The following ARHGAP39 variants were observed in gnomAD, a reference collection of about 807,000 sequenced individuals.
The protein encoded by ARHGAP39 is rho GTPase-activating protein 39.
In ARHGAP39, 44 loss-of-function variants were observed where a neutral mutation model predicts 106.9. The ratio of observed to expected loss-of-function variants is 0.41; its 90% CI spans 0.32 to 0.53. ARHGAP39 has a LOEUF of 0.53. ARHGAP39 is among the 20% of genes least tolerant of loss of function. ARHGAP39 has a pLI of 0.21. For synonymous variants in ARHGAP39, 768 were observed against 693.2 expected (o/e 1.11, Z -1.69); for missense variants, 1,496 against 1,577.3 (o/e 0.95, Z 0.87).
At chr8:144,662,125 G>C (rs1056553516) in intron 1 of ARHGAP39, among the ~76,000 whole-genome samples, 2 of 145,058 alleles carry the variant, frequency 1.4e-5, no homozygotes, top group African/African-American at 5.2e-5. Context: ...AACTTGGACC[G>C]CTCACCTTCC....
upstream of ARHGAP39, among the ~76,000 whole-genome samples, chr8:144,687,015 C>T (rs1822615663): frequency 1.6e-5 from 2 of 123,186 alleles, no homozygotes; most frequent in Non-Finnish European, 3.3e-5. Context: ...ATTTCCCACC[C>T]CCGTGACCAC....
chr8:144,557,051 T>C (rs564116549), intron 3 of ARHGAP39, among the ~76,000 whole-genome samples: 44 of 144,592 alleles, frequency 3.0e-4, no homozygotes, highest in Non-Finnish European at 4.9e-4. Context: ...CTTCATAGTA[T>C]TCAGCGGCAA....
rs1307265025 is a variant in ARHGAP39, at chr8:144,604,213, G to C, written c.80+1322C>G. ...GGCCGGGAGGCAGCAGCTGCACCTC[G>C]GGGGGTGCGGGCGAGGCCTCTGTCG... On this transcript the variant is annotated intron_variant, in intron 2 of 11. Coordinates refer to ENST00000377307, the MANE Select transcript of ARHGAP39 (RefSeq NM_025251.3). This position sits in a 1 kb window ranked among gnomAD's most constrained non-coding sequence, Gnocchi z 4.1. Among the ~76,000 whole-genome samples the C allele has an allele frequency of 6.6e-5, 10 of 152,120 alleles. No individual in the cohort carries two copies. Among genetic ancestry groups the C allele is most frequent in the Admixed American group, 6.5e-4 (10 of 15,276 alleles).
At chr8:144,623,015 G>A (rs905368230) in intron 1 of ARHGAP39, among the ~76,000 whole-genome samples, 21 of 152,264 alleles carry the variant, frequency 1.4e-4, no homozygotes, top group Admixed American at 1.2e-3. Context: ...CACTCGGTCA[G>A]GACCCACAGA....
rs147076363 is a variant in ARHGAP39 at position 144,675,712 on chromosome 8, G to A, written c.-82+9974C>T. Among the ~76,000 whole-genome samples the A allele has an allele frequency of 1.2e-3, 183 of 150,894 alleles. 1 individual carries two copies. Among genetic ancestry groups the A allele is most frequent in the African/African-American group, 4.4e-3 (179 of 40,688 alleles). ...GAAACTGCAGACCTTCGTGGTTAGT[G>A]TTACAGCTCTTAAAGACGGTGCGTC... On this transcript the variant is annotated intron_variant, in intron 1 of 11. Transcript: ENST00000377307.
chr8:144,597,331 G>C (rs1819658962), intron 2 of ARHGAP39, among the ~76,000 whole-genome samples: 2 of 152,194 alleles, frequency 1.3e-5, no homozygotes, highest in Admixed American at 1.3e-4. Context: ...CCAGTCCAAA[G>C]CCCAACGTCT....
At chr8:144,686,224 A>G (rs1002320386), upstream of ARHGAP39, among the ~76,000 whole-genome samples, 26 of 151,988 alleles carry the variant, frequency 1.7e-4, 1 homozygote, top group Admixed American at 1.6e-3. Flanking sequence ...CTAGAAATAC[A>G]GCCATTCTTC....
At chr8:144,581,812 G>T (rs149049499) in intron 2 of ARHGAP39, among the ~76,000 whole-genome samples, 88 of 152,304 alleles carry the variant, frequency 5.8e-4, no homozygotes, top group Non-Finnish European at 9.9e-4. Context: ...GACCCCCGAT[G>T]GGGGGCAGAG....
intron 3 of ARHGAP39, among the ~76,000 whole-genome samples, chr8:144,575,716 T>C (rs1256808749): frequency 6.6e-6 from 1 of 152,138 alleles, no homozygotes; most frequent in African/African-American, 2.4e-5. Flanking sequence ...AACTATGGTA[T>C]AGTGAATACA....
rs1435698738 is a variant in ARHGAP39, at chr8:144,679,388, A to T, written c.-82+6298T>A. Reference sequence around the variant, plus strand: ...ACTAGGTTTCTGCCACTCTCTTGCCATAAAAACAGCATGTGCCACATAAGG... The same window carrying T: ...ACTAGGTTTCTGCCACTCTCTTGCCTTAAAAACAGCATGTGCCACATAAGG... On this transcript the variant is annotated intron_variant, in intron 1 of 11. Coordinates refer to ENST00000377307, the MANE Select transcript of ARHGAP39 (RefSeq NM_025251.3). This position sits in a 1 kb window ranked among gnomAD's most constrained non-coding sequence, Gnocchi z 4.7. Among the ~76,000 whole-genome samples the T allele has an allele frequency of 1.3e-5, 2 of 152,232 alleles. No individual in the cohort carries two copies. The highest frequency in any genetic ancestry group is 2.4e-5 in the African/African-American group (1 of 41,462).
intron 3 of ARHGAP39, among the ~76,000 whole-genome samples, chr8:144,557,532 A>C (rs1334456394): frequency 2.0e-5 from 3 of 148,038 alleles, no homozygotes; most frequent in South Asian, 4.4e-4. Context: ...CTGAACCTTC[A>C]TCGTATTCAG....
At chr8:144,563,796 A>G (rs1325783759) in intron 3 of ARHGAP39, among the ~76,000 whole-genome samples, 2 of 151,046 alleles carry the variant, frequency 1.3e-5, no homozygotes, top group Non-Finnish European at 2.9e-5. Flanking sequence ...ATCTAAAAAA[A>G]ATAATAATAA....
At position 144,679,182 on chromosome 8, in the gene ARHGAP39, G is replaced by A. The variant is rs887572231; in HGVS notation, c.-82+6504C>T. 3.9e-5 allele frequency among the ~76,000 whole-genome samples: 6 copies of A among 152,316 alleles called. No homozygotes were observed. The East Asian group carries it at 1.2e-3, about 29-fold the overall frequency. ...AGCGTCCAGCATCTGCGGCTGAGGG[G>A]AGACATCCAGCTGCACCTTCAGTCA... On this transcript the variant is annotated intron_variant, in intron 1 of 11. Transcript: ENST00000377307. The surrounding 1 kb of genome is among the most constrained non-coding windows in gnomAD (Gnocchi z 4.7).
intron 2 of ARHGAP39, among the ~76,000 whole-genome samples, chr8:144,593,757 T>G (rs1394906016): frequency 6.6e-6 from 1 of 151,970 alleles, no homozygotes; most frequent in African/African-American, 2.4e-5. Context: ...TCTACTGCAC[T>G]CCCGTCTGCG....
chr8:144,666,179 T>G (rs937952980), intron 1 of ARHGAP39, among the ~76,000 whole-genome samples: 4 of 152,196 alleles, frequency 2.6e-5, no homozygotes, highest in African/African-American at 9.7e-5. Flanking sequence ...TTGGCCAATT[T>G]CTCCCATTTG....
chr8:144,650,798 T>C, intron 1 of ARHGAP39, among the ~76,000 whole-genome samples: 1 of 152,134 alleles, frequency 6.6e-6, no homozygotes, highest in East Asian at 1.9e-4. Flanking sequence ...AGCTACATCA[T>C]ACTGAATGGT....
chr8:144,601,966 T>C (rs964817087), intron 2 of ARHGAP39, among the ~76,000 whole-genome samples: 3 of 137,906 alleles, frequency 2.2e-5, no homozygotes, highest in South Asian at 2.5e-4. Context: ...CCTGTGTTCA[T>C]GTGCGTGGAG....
In ARHGAP39 at chr8:144,605,546, C is replaced by T. The variant is rs1195611444; in HGVS notation, c.69G>A (p.Gly23=). 2.5e-6 allele frequency: 4 copies of T among 1,613,950 alleles called. No homozygotes were observed. In the Admixed American group the frequency reaches 5.0e-5, roughly 20 times the overall value. The change falls in exon 2 of 12, where the codon GGG becomes GGA. Residue 23 remains glycine (G), a synonymous_variant. Coordinates refer to ENST00000377307, the MANE Select transcript of ARHGAP39 (RefSeq NM_025251.3). The part of the protein sequence containing the change: ...NVDLPESRIP[G]SNTRLEWVEI... Reference sequence around the variant, plus strand: ...GGTCGGCTCCTTACCGAGTGTTCGACCCTGGAATCCTCGACTCCGGCAGGT... The same window carrying T: ...GGTCGGCTCCTTACCGAGTGTTCGATCCTGGAATCCTCGACTCCGGCAGGT...
In ARHGAP39 at chr8:144,533,317, C is replaced by T. The variant is rs1195440431; in HGVS notation, c.2697G>A (p.Lys899=). Residue 899 remains lysine (K), a synonymous_variant, in exon 9 of 12, where the codon AAG becomes AAA. Transcript: ENST00000377307. ...AALTGAKKGL[K]KPNVEEIRHA... ...GCCGGATCTCCTCCACGTTGGGCTT[C>T]TTCAGCCCCTGTGAAGACAGAGGCT... 3 of 1,612,754 alleles carry T rather than the reference C, an allele frequency of 1.9e-6. No individual in the cohort carries two copies. The highest frequency in any genetic ancestry group is 2.5e-6 in the Non-Finnish European group (3 of 1,179,826).
Sources: allele counts gnomAD v4.1 joint callset (sites outside exome capture counted in the v4.1 genomes callset), GRCh38; gene constraint gnomAD v4.1.1; non-coding constraint Gnocchi (gnomAD v3.1); transcripts MANE v1.5; gene names NCBI Gene and HGNC (gene_info 2026-07-23, HGNC 2026-07-21).